Variants in ANKS1B observed in about 807,000 individuals in gnomAD.
ANKS1B encodes the protein ankyrin repeat and sterile alpha motif domain-containing protein 1B.
Under a neutral mutation model 148.3 loss-of-function variants are expected in ANKS1B, and 36 were observed. The ratio of observed to expected loss-of-function variants is 0.24; its 90% CI spans 0.19 to 0.32. ANKS1B has a LOEUF of 0.32. Ranked by LOEUF, ANKS1B falls within the 10% of genes least tolerant of loss-of-function variation. ANKS1B has a pLI of 1.00. For synonymous variants in ANKS1B, 542 were observed against 560.8 expected (o/e 0.97, Z 0.47); for missense variants, 1,157 against 1,542.6 (o/e 0.75, Z 4.19).
At chr12:99,895,842 A>G (rs2093363150) in intron 1 of ANKS1B, among the ~76,000 whole-genome samples, 1 of 151,320 alleles carries the variant, frequency 6.6e-6, no homozygotes, top group Non-Finnish European at 1.5e-5. Flanking sequence ...GAAAAGAAAC[A>G]AGAGCAGGCA....
At position 99,246,255 on chromosome 12, in the gene ANKS1B, G is replaced by T. The variant is rs1312475826; in HGVS notation, c.2346+20C>A. On this transcript the variant is annotated intron_variant, in intron 13 of 26. Transcript: ENST00000683438. ...ACTGCAAAGCCTTATAGGATGAACAGCAAGAAGAACAAAGCTTACTTCTTC... is the reference window on the plus strand; with the variant it reads ...ACTGCAAAGCCTTATAGGATGAACATCAAGAAGAACAAAGCTTACTTCTTC... 3 of 1,518,466 alleles carry T rather than the reference G, an allele frequency of 2.0e-6. No individual in the cohort carries two copies. The highest frequency in any genetic ancestry group is 1.8e-6 in the Non-Finnish European group (2 of 1,131,600). The allele number at this position is 1,518,466 out of a possible 1,614,324, so 94.1% of individuals were successfully genotyped here.
At chr12:99,359,881 T>C (rs1475383774) in intron 12 of ANKS1B, among the ~76,000 whole-genome samples, 4 of 152,184 alleles carry the variant, frequency 2.6e-5, no homozygotes, top group African/African-American at 9.6e-5. Flanking sequence ...AATTACACTT[T>C]TTACAGTCTT....
chr12:99,502,699 C>A (rs993110950), intron 10 of ANKS1B, among the ~76,000 whole-genome samples: 1 of 152,104 alleles, frequency 6.6e-6, no homozygotes, highest in Non-Finnish European at 1.5e-5. Flanking sequence ...ATATTAATAC[C>A]TCACAGCATT....
intron 12 of ANKS1B, among the ~76,000 whole-genome samples, chr12:99,322,655 T>A (rs1024834433): frequency 6.6e-6 from 1 of 152,174 alleles, no homozygotes; most frequent in African/African-American, 2.4e-5. Context: ...GATTCAGTTA[T>A]ATCAAATGAT....
intron 12 of ANKS1B, among the ~76,000 whole-genome samples, chr12:99,340,905 T>A (rs1382344289): frequency 6.6e-6 from 1 of 152,164 alleles, no homozygotes; most frequent in Admixed American, 6.6e-5. Context: ...TTGTTTGCAA[T>A]GTAATTTAGC....
intron 17 of ANKS1B, among the ~76,000 whole-genome samples, chr12:98,996,500 G>T (rs1047828229): frequency 7.9e-5 from 12 of 152,076 alleles, no homozygotes; most frequent in African/African-American, 2.4e-4. Flanking sequence ...CTGCTGGCCA[G>T]ATTGGTTCAG....
intron 10 of ANKS1B, among the ~76,000 whole-genome samples, chr12:99,496,384 A>G (rs768571971): frequency 2.0e-5 from 3 of 152,224 alleles, no homozygotes; most frequent in Non-Finnish European, 4.4e-5. Context: ...CGTTCATTCA[A>G]TTATTCATTC....
intron 9 of ANKS1B, among the ~76,000 whole-genome samples, chr12:99,632,325 C>T (rs1387244775): frequency 6.6e-6 from 1 of 152,068 alleles, no homozygotes; most frequent in East Asian, 1.9e-4. Flanking sequence ...GTCTCAGGCA[C>T]AGACTTGTTA....
intron 15 of ANKS1B, among the ~76,000 whole-genome samples, chr12:99,125,075 C>A (rs2063929749): frequency 1.3e-5 from 2 of 152,114 alleles, no homozygotes; most frequent in Middle Eastern, 6.8e-3. Flanking sequence ...GTAGGGTAAA[C>A]AGAATTTTAA....
At chr12:99,207,800 T>C (rs749930788) in intron 14 of ANKS1B, among the ~76,000 whole-genome samples, 3 of 152,054 alleles carry the variant, frequency 2.0e-5, no homozygotes, top group Non-Finnish European at 2.9e-5. Flanking sequence ...AGAGAGTAAT[T>C]TTTCTCCTAA....
chr12:99,276,985 C>G (rs561251722), intron 12 of ANKS1B, among the ~76,000 whole-genome samples: 3 of 152,158 alleles, frequency 2.0e-5, no homozygotes, highest in African/African-American at 7.2e-5. Context: ...ACCTAACTTA[C>G]GTCTACATTC....
intron 8 of ANKS1B, among the ~76,000 whole-genome samples, chr12:99,748,016 AAGGT>A (rs1477793513): frequency 6.6e-6 from 1 of 152,130 alleles, no homozygotes; most frequent in Non-Finnish European, 1.5e-5. Context: ...TCTATTCTTA[AAGGT>A]AGAGACTTAA....
intron 9 of ANKS1B, among the ~76,000 whole-genome samples, chr12:99,599,581 C>A (rs747589740): frequency 2.7e-4 from 41 of 151,818 alleles, no homozygotes; most frequent in South Asian, 6.2e-4. Context: ...AATAATTATT[C>A]AGGAATAAAA....
At chr12:99,586,887 T>C (rs535966830) in intron 9 of ANKS1B, among the ~76,000 whole-genome samples, 1 of 151,966 alleles carries the variant, frequency 6.6e-6, no homozygotes, top group African/African-American at 2.4e-5. Context: ...CCTGCCCCCA[T>C]GATTCAATAA....
At chr12:98,909,127 C>T (rs1299811756) in intron 17 of ANKS1B, among the ~76,000 whole-genome samples, 2 of 152,268 alleles carry the variant, frequency 1.3e-5, no homozygotes, top group African/African-American at 4.8e-5. Context: ...CTCTGAGTGA[C>T]CTCCCTCTCT....
chr12:98,922,211 T>C (rs936720815), intron 17 of ANKS1B, among the ~76,000 whole-genome samples: 2 of 152,188 alleles, frequency 1.3e-5, no homozygotes, highest in East Asian at 3.9e-4. Flanking sequence ...CCCCCAGAGG[T>C]ATCTTTGTGC....
intron 1 of ANKS1B, among the ~76,000 whole-genome samples, chr12:99,932,883 C>A (rs1247470115): frequency 6.6e-6 from 1 of 151,978 alleles, no homozygotes; most frequent in East Asian, 1.9e-4. Flanking sequence ...TTTTCTTGTA[C>A]CAATTTCATA....
At chr12:99,252,816 T>C (rs1035733925) in intron 12 of ANKS1B, among the ~76,000 whole-genome samples, 1 of 152,158 alleles carries the variant, frequency 6.6e-6, no homozygotes, top group African/African-American at 2.4e-5. Context: ...CTCCAATAAA[T>C]GCATACTTGT....
At chr12:99,936,135 T>G (rs955969250) in intron 1 of ANKS1B, among the ~76,000 whole-genome samples, 34 of 152,074 alleles carry the variant, frequency 2.2e-4, no homozygotes, top group African/African-American at 7.2e-4. Context: ...CTGCCCTGGA[T>G]GTATGGGGAT....
Sources: gnomAD v4.1 joint callset for allele counts (sites outside exome capture counted in the v4.1 genomes callset) on GRCh38, gnomAD v4.1.1 for gene constraint, MANE v1.5 for transcripts, NCBI Gene and HGNC (gene_info 2026-07-23, HGNC 2026-07-21) for gene names.